The following PTPN12 variants were observed in gnomAD, a reference collection of about 807,000 sequenced individuals.
PTPN12 encodes tyrosine-protein phosphatase non-receptor type 12.
In PTPN12, 29 loss-of-function variants were observed where a neutral mutation model predicts 97.6. The ratio of observed to expected loss-of-function variants is 0.30; its 90% CI spans 0.22 to 0.41. PTPN12 has a LOEUF of 0.41. Among genes scored for constraint, PTPN12 ranks in the 10% least tolerant of loss-of-function variants. PTPN12 has a pLI of 1.00. For synonymous variants in PTPN12, 327 were observed against 300.4 expected, an observed-to-expected ratio of 1.09 and a Z score of -0.91; for missense variants, 819 against 926.0, an observed-to-expected ratio of 0.88 and a Z score of 1.50.
chr7:77,578,953 C>T (rs949801361), intron 2 of PTPN12, among the ~76,000 whole-genome samples: 4 of 152,086 alleles, frequency 2.6e-5, no homozygotes, highest in African/African-American at 9.7e-5. Flanking sequence ...GTTAACATCA[C>T]AAGTACTAAA....
At chr7:77,594,762 C>T (rs1787972792) in intron 6 of PTPN12, among the ~76,000 whole-genome samples, 1 of 152,050 alleles carries the variant, frequency 6.6e-6, no homozygotes, top group African/African-American at 2.4e-5. Context: ...CCTTGGCCTC[C>T]CAAAGTACTA....
intron 11 of PTPN12, among the ~76,000 whole-genome samples, chr7:77,611,734 G>A (rs1335373619): frequency 1.3e-5 from 2 of 152,220 alleles, no homozygotes; most frequent in African/African-American, 4.8e-5. Context: ...TTACAGGCAT[G>A]AGCCAACACT....
At chr7:77,559,556 T>C (rs931109485) in intron 1 of PTPN12, among the ~76,000 whole-genome samples, 1 of 151,298 alleles carries the variant, frequency 6.6e-6, no homozygotes, top group African/African-American at 2.4e-5. Flanking sequence ...GAGATACTAC[T>C]TTAGGTAAAT....
intron 1 of PTPN12, among the ~76,000 whole-genome samples, chr7:77,566,133 A>G (rs1201914677): frequency 1.3e-5 from 2 of 152,238 alleles, no homozygotes; most frequent in Non-Finnish European, 2.9e-5. Context: ...AAGAGCAAAA[A>G]TTGTGCAACT....
At chr7:77,637,093 T>A in intron 16 of PTPN12, 45 bp downstream of exon 16, 1 of 1,446,154 alleles carries the variant, frequency 6.9e-7, no homozygotes, top group Non-Finnish European at 9.6e-7. Context: ...TAGATTTTAT[T>A]GATTAATTTC....
chr7:77,588,935 C>T (rs866216369), intron 5 of PTPN12, among the ~76,000 whole-genome samples: 5 of 152,102 alleles, frequency 3.3e-5, no homozygotes, highest in African/African-American at 7.2e-5. Flanking sequence ...TGCAGTGGCG[C>T]GATCTCGGCT....
intron 1 of PTPN12, among the ~76,000 whole-genome samples, chr7:77,551,995 G>A (rs1438867384): frequency 6.6e-6 from 1 of 152,148 alleles, no homozygotes; most frequent in African/African-American, 2.4e-5. Context: ...ATAGGATTTT[G>A]CAACTGAAAT....
chr7:77,573,454 A>T (rs1005399410), intron 2 of PTPN12, among the ~76,000 whole-genome samples: 1 of 152,184 alleles, frequency 6.6e-6, no homozygotes, highest in Non-Finnish European at 1.5e-5. Flanking sequence ...CTTTAGTAAA[A>T]GCTGGTAATC....
At chr7:77,618,026 A>G (rs1471650590) in intron 11 of PTPN12, among the ~76,000 whole-genome samples, 1 of 152,200 alleles carries the variant, frequency 6.6e-6, no homozygotes, top group East Asian at 1.9e-4. Context: ...TAGGACCACC[A>G]GTTTAAAAGT....
intron 1 of PTPN12, among the ~76,000 whole-genome samples, chr7:77,568,883 T>TA (rs933192642): frequency 6.6e-6 from 1 of 152,226 alleles, no homozygotes; most frequent in African/African-American, 2.4e-5. Flanking sequence ...TATAAGTATC[T>TA]AAAAATACAT....
At chr7:77,581,833 A>T (rs566617954) in intron 3 of PTPN12, among the ~76,000 whole-genome samples, 26 of 152,202 alleles carry the variant, frequency 1.7e-4, no homozygotes, top group Non-Finnish European at 3.1e-4. Context: ...TTGTTGACCC[A>T]TATAGGTTGT....
chr7:77,592,458 T>G, intron 6 of PTPN12: 1 of 454,626 alleles, frequency 2.2e-6, no homozygotes, highest in Non-Finnish European at 3.8e-6. Context: ...CATATTTTCC[T>G]TGTATCTTAC....
chr7:77,612,812 A>T, intron 11 of PTPN12, among the ~76,000 whole-genome samples: 1 of 146,562 alleles, frequency 6.8e-6, no homozygotes, highest in Non-Finnish European at 1.5e-5. Flanking sequence ...TTTGATGACG[A>T]AGTCTCACTC....
intron 8 of PTPN12, among the ~76,000 whole-genome samples, chr7:77,601,252 A>G (rs1788178996): frequency 6.6e-6 from 1 of 152,158 alleles, no homozygotes; most frequent in South Asian, 2.1e-4. Flanking sequence ...GTGCAGTGGC[A>G]CAATCATAGC....
chr7:77,561,958 AT>A (rs926891027), intron 1 of PTPN12, among the ~76,000 whole-genome samples: 169 of 151,054 alleles, frequency 1.1e-3, no homozygotes, highest in African/African-American at 3.8e-3. Context: ...CGCCCAACTA[AT>A]TTTTGTATTT....
intron 8 of PTPN12, 129 bp downstream of exon 8, chr7:77,600,935 G>A (rs751731008): frequency 4.7e-5 from 37 of 790,802 alleles, no homozygotes; most frequent in South Asian, 1.2e-4. Flanking sequence ...TGGGACTAGG[G>A]CCTTGTAAGT....
At chr7:77,591,048 A>G (rs940598475) in intron 5 of PTPN12, among the ~76,000 whole-genome samples, 4 of 152,126 alleles carry the variant, frequency 2.6e-5, no homozygotes, top group Non-Finnish European at 2.9e-5. Context: ...AAAAAAAGAG[A>G]GAATTTAATT....
At chr7:77,585,716 C>A in intron 5 of PTPN12, 135 bp downstream of exon 5, 1 of 631,092 alleles carries the variant, frequency 1.6e-6, no homozygotes, top group South Asian at 2.5e-5. Flanking sequence ...GCTTTTATTT[C>A]ATACAAGGGA....
chr7:77,549,801 A>G (rs1562705271), intron 1 of PTPN12, among the ~76,000 whole-genome samples: 1 of 152,068 alleles, frequency 6.6e-6, no homozygotes, highest in Non-Finnish European at 1.5e-5. Context: ...AGCTGGTCTC[A>G]GACTCCTGGC....
Sources: allele counts gnomAD v4.1 joint callset (sites outside exome capture counted in the v4.1 genomes callset), GRCh38; gene constraint gnomAD v4.1.1; transcripts MANE v1.5; gene names NCBI Gene and HGNC (gene_info 2026-07-23, HGNC 2026-07-21).